Variants in TMTC1 observed in about 807,000 individuals in gnomAD.
TMTC1 encodes the protein protein O-mannosyl-transferase TMTC1.
A neutral mutation model predicts 104.8 loss-of-function variants in TMTC1; 73 were observed. That is an observed-to-expected ratio of 0.70 (90% CI 0.58 to 0.85). The LOEUF (loss-of-function observed/expected upper bound fraction) is 0.85. Ranked by LOEUF, TMTC1 falls within the 40% of genes least tolerant of loss-of-function variation. The pLI is 0.00. For missense variants in TMTC1, 1,035 were observed against 1,096.1 expected (o/e 0.94, Z 0.79); for synonymous variants, 434 against 428.7 (o/e 1.01, Z -0.15).
At chr12:29,781,624 A>C (rs1030449567) in intron 1 of TMTC1, among the ~76,000 whole-genome samples, 1 of 152,166 alleles carries the variant, frequency 6.6e-6, no homozygotes, top group African/African-American at 2.4e-5. Context: ...CCAGGAGTTC[A>C]ACACCAGCCT....
chr12:29,768,841 T>C (rs1398193021), intron 1 of TMTC1, among the ~76,000 whole-genome samples: 1 of 152,228 alleles, frequency 6.6e-6, no homozygotes, highest in Non-Finnish European at 1.5e-5. Context: ...AATACTTTCA[T>C]GAGACAGAAA....
intron 10 of TMTC1, among the ~76,000 whole-genome samples, chr12:29,550,420 G>A (rs1373281703): frequency 7.9e-5 from 12 of 152,128 alleles, no homozygotes; most frequent in African/African-American, 2.4e-4. Context: ...CACCTGTCAC[G>A]GAAGCTATGC....
chr12:29,534,205 A>G (rs1052738376), intron 11 of TMTC1: 2 of 152,260 alleles, frequency 1.3e-5, no homozygotes, highest in African/African-American at 2.4e-5. Flanking sequence ...TCTTGCTTGC[A>G]CATCTGATGC....
chr12:29,596,526 T>C (rs1946409624), intron 7 of TMTC1, among the ~76,000 whole-genome samples: 1 of 152,188 alleles, frequency 6.6e-6, no homozygotes, highest in African/African-American at 2.4e-5. Flanking sequence ...TAAAAATACA[T>C]TAACAAATGG....
rs137942298 is a variant in TMTC1 at position 29,561,732 on chromosome 12, G to A, written c.1533-4732C>T. On this transcript the variant is annotated intron_variant, in intron 9 of 17. Coordinates refer to ENST00000539277, the MANE Select transcript of TMTC1 (RefSeq NM_001193451.2). ...GTTTACTTTTCATTATCTGAGTGCCGTATATGGCATTTCATTGTTCAAATA... is the reference window on the plus strand; with the variant it reads ...GTTTACTTTTCATTATCTGAGTGCCATATATGGCATTTCATTGTTCAAATA... Among the ~76,000 whole-genome samples the A allele has an allele frequency of 4.3e-3, 662 of 152,216 alleles. 3 individuals carry two copies. The highest frequency in any genetic ancestry group is 0.015 in the African/African-American group (630 of 41,524).
At chr12:29,628,065 C>G (rs1172869660) in intron 6 of TMTC1, among the ~76,000 whole-genome samples, 2 of 152,216 alleles carry the variant, frequency 1.3e-5, no homozygotes, top group African/African-American at 4.8e-5. Flanking sequence ...ATTTACTATT[C>G]TTTGTCCAAT....
chr12:29,610,567 CG>C (rs1565708285), intron 6 of TMTC1, among the ~76,000 whole-genome samples: 2 of 152,100 alleles, frequency 1.3e-5, no homozygotes. Flanking sequence ...GGGAATCCTG[CG>C]GCAGTCTTAT....
At chr12:29,554,068 T>C (rs12307164) in intron 10 of TMTC1, among the ~76,000 whole-genome samples, 5,345 of 152,284 alleles carry the variant, frequency 0.035, 280 homozygotes, top group African/African-American at 0.12. Flanking sequence ...TTACAGGATT[T>C]TATATAACCA....
intron 5 of TMTC1, among the ~76,000 whole-genome samples, chr12:29,656,939 G>A (rs1011875139): frequency 6.6e-6 from 1 of 152,182 alleles, no homozygotes; most frequent in African/African-American, 2.4e-5. Flanking sequence ...ACAGCTGTGA[G>A]TCAGATATCA....
At chr12:29,678,257 A>G (rs1057193822) in intron 5 of TMTC1, among the ~76,000 whole-genome samples, 1 of 152,192 alleles carries the variant, frequency 6.6e-6, no homozygotes, top group African/African-American at 2.4e-5. Flanking sequence ...AAGTGCTGCT[A>G]TACGGTGGCT....
intron 5 of TMTC1, among the ~76,000 whole-genome samples, chr12:29,725,915 G>T (rs1429891212): frequency 6.6e-6 from 1 of 152,148 alleles, no homozygotes; most frequent in African/African-American, 2.4e-5. Flanking sequence ...TAATGCTACT[G>T]CAAAGAAGTA....
intron 10 of TMTC1, among the ~76,000 whole-genome samples, chr12:29,538,636 T>C (rs1944710244): frequency 2.0e-5 from 3 of 152,182 alleles, no homozygotes; most frequent in Non-Finnish European, 2.9e-5. Context: ...ACATGTGAGC[T>C]TAGCAAGATG....
intron 1 of TMTC1, among the ~76,000 whole-genome samples, chr12:29,776,642 T>C (rs1330902314): frequency 6.6e-6 from 1 of 152,230 alleles, no homozygotes; most frequent in Non-Finnish European, 1.5e-5. Context: ...GGCTTAGTTG[T>C]AGGTGCTAGA....
chr12:29,585,184 T>C (rs1163446366), intron 7 of TMTC1, among the ~76,000 whole-genome samples: 22 of 152,222 alleles, frequency 1.4e-4, no homozygotes, highest in African/African-American at 4.8e-4. Flanking sequence ...ATTTCTCTGA[T>C]GGCCAGTGAT....
intron 1 of TMTC1, among the ~76,000 whole-genome samples, chr12:29,774,226 C>G (rs992178840): frequency 6.6e-6 from 1 of 152,048 alleles, no homozygotes; most frequent in East Asian, 1.9e-4. Context: ...GTTGATTCTC[C>G]GATCCCATCC....
intron 5 of TMTC1, among the ~76,000 whole-genome samples, chr12:29,654,971 C>A (rs1003138111): frequency 6.6e-6 from 1 of 152,124 alleles, no homozygotes; most frequent in Admixed American, 6.5e-5. Flanking sequence ...GCAACCTCCA[C>A]CTCCCAGGTT....
chr12:29,703,264 G>A (rs1391818585), intron 5 of TMTC1, among the ~76,000 whole-genome samples: 1 of 152,148 alleles, frequency 6.6e-6, no homozygotes, highest in Non-Finnish European at 1.5e-5. Flanking sequence ...AGAGTCATGG[G>A]AGGTGCTTAG....
intron 5 of TMTC1, among the ~76,000 whole-genome samples, chr12:29,719,094 C>T (rs938496977): frequency 2.6e-5 from 4 of 152,102 alleles, no homozygotes; most frequent in Admixed American, 1.3e-4. Flanking sequence ...TCAGTGTTTT[C>T]TCTCTCTCTT....
chr12:29,662,616 C>CTCCAGCTTGGGTGACAG (rs68184356), intron 5 of TMTC1, among the ~76,000 whole-genome samples: 3 of 147,722 alleles, frequency 2.0e-5, no homozygotes, highest in African/African-American at 7.6e-5. Flanking sequence ...TGCCACTACA[C>CTCCAGCTTGGGTGACAG]TCCAGCTTGG....
Sources: gnomAD v4.1 joint callset for allele counts (sites outside exome capture counted in the v4.1 genomes callset) on GRCh38, gnomAD v4.1.1 for gene constraint, MANE v1.5 for transcripts, NCBI Gene and HGNC (gene_info 2026-07-23, HGNC 2026-07-21) for gene names.